The following TUSC3 variants were observed in gnomAD, a reference collection of about 807,000 sequenced individuals.
The protein encoded by TUSC3 is tumor suppressor candidate 3, also known as dolichyl-diphosphooligosaccharide--protein glycosyltransferase subunit TUSC3.
In TUSC3, 45 loss-of-function variants were observed where a neutral mutation model predicts 44.8. That is an observed-to-expected ratio of 1.00 (90% CI 0.79 to 1.29). The LOEUF (loss-of-function observed/expected upper bound fraction) is 1.29, where lower values mean the gene tolerates loss of function less well. Ranked by LOEUF, TUSC3 falls within the 50% of genes most tolerant of loss-of-function variation. The pLI is 0.00. For missense variants in TUSC3, 519 were observed against 437.9 expected (o/e 1.19, Z -1.65); for synonymous variants, 212 against 152.9 (o/e 1.39, Z -2.85).
intron 6 of TUSC3, among the ~76,000 whole-genome samples, chr8:15,707,553 T>C (rs757326504): frequency 6.6e-6 from 1 of 151,992 alleles, no homozygotes; most frequent in African/African-American, 2.4e-5. Context: ...GGAAATGATA[T>C]GTAAGTAGAC....
At chr8:15,648,725 CAAAAAAAAAAAAAAAAA>C (rs58526383) in intron 2 of TUSC3, among the ~76,000 whole-genome samples, 3 of 26,152 alleles carry the variant, frequency 1.1e-4, no homozygotes, top group South Asian at 3.5e-3. Context: ...GACTCTGTGT[CAAAAAAAAAAAAAAAAA>C]AAAAAAAAAA....
At chr8:15,676,977 G>T (rs1051043778) in intron 6 of TUSC3, among the ~76,000 whole-genome samples, 1 of 152,108 alleles carries the variant, frequency 6.6e-6, no homozygotes, top group Non-Finnish European at 1.5e-5. Flanking sequence ...TATATTGAAA[G>T]TCATCAGTAA....
the TUSC3 span, among the ~76,000 whole-genome samples, chr8:15,820,746 A>G: frequency 6.6e-6 from 1 of 152,182 alleles, no homozygotes; most frequent in South Asian, 2.1e-4. Context: ...GATTAGTGTT[A>G]TTTCTTCTTT....
At chr8:15,650,231 G>A (rs1157547846) in intron 2 of TUSC3, among the ~76,000 whole-genome samples, 1 of 152,074 alleles carries the variant, frequency 6.6e-6, no homozygotes, top group South Asian at 2.1e-4. Context: ...TATTAATTTT[G>A]TTTTTCTGTT....
intron 9 of TUSC3, among the ~76,000 whole-genome samples, chr8:15,749,701 C>T (rs1430890360): frequency 6.7e-6 from 1 of 149,930 alleles, no homozygotes; most frequent in Non-Finnish European, 1.5e-5. Context: ...ATAATCAAAT[C>T]CAAGATTAAG....
At chr8:15,652,497 A>G (rs763549722) in intron 3 of TUSC3, among the ~76,000 whole-genome samples, 5 of 152,088 alleles carry the variant, frequency 3.3e-5, no homozygotes, top group Non-Finnish European at 7.4e-5. Context: ...TACCTATTCT[A>G]TAGGAGCAAT....
the TUSC3 span, among the ~76,000 whole-genome samples, chr8:15,810,585 C>A: frequency 6.6e-6 from 1 of 151,910 alleles, no homozygotes; most frequent in African/African-American, 2.4e-5. Context: ...CTGCAATGAG[C>A]CATGATGGCA....
chr8:15,609,891 T>C (rs1188757784), intron 1 of TUSC3, among the ~76,000 whole-genome samples: 1 of 152,150 alleles, frequency 6.6e-6, no homozygotes, highest in East Asian at 1.9e-4. Flanking sequence ...GATACTAATA[T>C]ATTACTATGA....
At position 15,423,989 on chromosome 8, in the gene TUSC3, T is replaced by TGG. The variant is rs1563247251; in HGVS notation, n.91+6684_91+6685insGG. 4.2e-4 allele frequency among the ~76,000 whole-genome samples: 55 copies of TGG among 130,902 alleles called. 5 individuals are homozygous for TGG. Among genetic ancestry groups the TGG allele is most frequent in the Admixed American group, 1.6e-3 (19 of 12,140 alleles). 85.9% of individuals were successfully genotyped at this position (130,902 alleles called of 152,430 possible). ...GCTTTGTTTTTTTTTTTTTTTTTTT[T>TGG]TTTTTTTTTTTTTTTTTTGAGAAGG... On this transcript the variant is annotated intron_variant and non_coding_transcript_variant, in intron 1 of 5. Transcript: ENST00000503191.
At chr8:15,503,897 C>A (rs1801008121) in intron 2 of TUSC3, among the ~76,000 whole-genome samples, 2 of 151,658 alleles carry the variant, frequency 1.3e-5, no homozygotes, top group Admixed American at 1.3e-4. Flanking sequence ...CACCTGTAAT[C>A]CTAGCTACTT....
intron 3 of TUSC3, among the ~76,000 whole-genome samples, chr8:15,653,768 T>TA (rs1190457806): frequency 1.3e-5 from 2 of 152,228 alleles, no homozygotes; most frequent in Non-Finnish European, 2.9e-5. Context: ...AAAAGGTTTT[T>TA]AATGCTTATT....
chr8:15,588,792 A>G (rs1410084904), intron 1 of TUSC3, among the ~76,000 whole-genome samples: 1 of 152,086 alleles, frequency 6.6e-6, no homozygotes, highest in Non-Finnish European at 1.5e-5. Context: ...TTTTCCCCGC[A>G]CTATTTATTG....
chr8:15,576,403 G>A (rs958161675), intron 1 of TUSC3, among the ~76,000 whole-genome samples: 2 of 148,314 alleles, frequency 1.3e-5, no homozygotes, highest in Non-Finnish European at 3.0e-5. Flanking sequence ...CTGGTGCGCT[G>A]CACCCACTAA....
chr8:15,517,493 G>A (rs17657638), intron 2 of TUSC3, among the ~76,000 whole-genome samples: 15,962 of 122,154 alleles, frequency 0.13, 1,009 homozygotes, highest in Middle Eastern at 0.21. Context: ...CTAAATGCTT[G>A]TGAGAGCTTC....
the TUSC3 span, among the ~76,000 whole-genome samples, chr8:15,788,237 C>A: frequency 3.3e-5 from 5 of 151,244 alleles, no homozygotes; most frequent in South Asian, 1.0e-3. Flanking sequence ...TACAAGCATT[C>A]TTCCATTCTT....
chr8:15,745,939 A>G (rs1811395526), intron 8 of TUSC3, among the ~76,000 whole-genome samples: 1 of 152,076 alleles, frequency 6.6e-6, no homozygotes, highest in Admixed American at 6.6e-5. Flanking sequence ...TTTCATCTAT[A>G]TGGTGAAGGG....
At chr8:15,478,966 C>A (rs555359662) in intron 1 of TUSC3, among the ~76,000 whole-genome samples, 1 of 152,018 alleles carries the variant, frequency 6.6e-6, no homozygotes, top group African/African-American at 2.4e-5. Context: ...TTTTTAATAA[C>A]CATCATTGTG....
chr8:15,814,966 TGTTTA>T, the TUSC3 span, among the ~76,000 whole-genome samples: 30 of 152,336 alleles, frequency 2.0e-4, 1 homozygote, highest in South Asian at 6.0e-3. Context: ...AATTGTTTGT[TGTTTA>T]GTTGATAGGA....
chr8:15,423,124 T>G (rs1354667599), intron 1 of TUSC3, among the ~76,000 whole-genome samples: 1 of 152,230 alleles, frequency 6.6e-6, no homozygotes, highest in Non-Finnish European at 1.5e-5. Context: ...CTTAGTTTCT[T>G]ATAATGTTGG....
Sources: allele counts gnomAD v4.1 joint callset (sites outside exome capture counted in the v4.1 genomes callset), GRCh38; gene constraint gnomAD v4.1.1; transcripts MANE v1.5; gene names NCBI Gene and HGNC (gene_info 2026-07-23, HGNC 2026-07-21).